GRM7: variants seen among roughly 807,000 people sequenced by gnomAD.
GRM7 encodes the protein glutamate metabotropic receptor 7.
Under a neutral mutation model 84.5 loss-of-function variants are expected in GRM7, and 35 were observed. That is an observed-to-expected ratio of 0.41 (90% CI 0.32 to 0.55). GRM7 has a LOEUF of 0.55. Among genes scored for constraint, GRM7 ranks in the 20% least tolerant of loss-of-function variants. The probability of loss-of-function intolerance (pLI) is 0.19; values close to 1 mark genes in which losing one functional copy is unlikely to be tolerated. For synonymous variants in GRM7, 487 were observed against 455.1 expected, an observed-to-expected ratio of 1.07 and a Z score of -0.89; for missense variants, 1,003 against 1,194.6, an observed-to-expected ratio of 0.84 and a Z score of 2.36.
chr3:7,594,297 G>C (rs888941173), intron 8 of GRM7, among the ~76,000 whole-genome samples: 2 of 152,044 alleles, frequency 1.3e-5, no homozygotes, highest in South Asian at 4.1e-4. Flanking sequence ...CCAAAATGTA[G>C]GTCCATGCAG....
At chr3:7,557,150 A>T (rs1693804541) in intron 7 of GRM7, among the ~76,000 whole-genome samples, 1 of 151,990 alleles carries the variant, frequency 6.6e-6, no homozygotes, top group African/African-American at 2.4e-5. Flanking sequence ...ATCAGAATGG[A>T]GGGTCTTCCA....
chr3:7,050,350 G>A (rs1275803470), intron 1 of GRM7, among the ~76,000 whole-genome samples: 1 of 151,814 alleles, frequency 6.6e-6, no homozygotes. Context: ...CACCCTATAA[G>A]AATCTCATTT....
chr3:7,160,448 A>G (rs1694588810), intron 2 of GRM7, among the ~76,000 whole-genome samples: 2 of 152,176 alleles, frequency 1.3e-5, no homozygotes, highest in African/African-American at 4.8e-5. Flanking sequence ...TCAGAATGCC[A>G]GGAGAGTGCA....
intron 4 of GRM7, among the ~76,000 whole-genome samples, chr3:7,316,129 C>G (rs913022545): frequency 6.6e-6 from 1 of 152,056 alleles, no homozygotes; most frequent in African/African-American, 2.4e-5. Flanking sequence ...AAGGAGCACA[C>G]TGGGCATGGG....
At chr3:7,023,756 C>A (rs1289176874) in intron 1 of GRM7, among the ~76,000 whole-genome samples, 3 of 152,154 alleles carry the variant, frequency 2.0e-5, no homozygotes, top group Non-Finnish European at 4.4e-5. Flanking sequence ...AAAGACCCAT[C>A]TTAATTACCT....
At chr3:7,448,844 A>G (rs1024741167) in intron 5 of GRM7, among the ~76,000 whole-genome samples, 1 of 152,148 alleles carries the variant, frequency 6.6e-6, no homozygotes, top group Non-Finnish European at 1.5e-5. Context: ...CATTCTCTCC[A>G]GGATGATTGT....
At chr3:7,385,800 C>A (rs988072446) in intron 4 of GRM7, among the ~76,000 whole-genome samples, 1 of 152,106 alleles carries the variant, frequency 6.6e-6, no homozygotes, top group Non-Finnish European at 1.5e-5. Flanking sequence ...TGGCAGAAGC[C>A]AAATATTAAC....
chr3:6,974,733 G>T (rs986865382), intron 1 of GRM7, among the ~76,000 whole-genome samples: 2 of 152,184 alleles, frequency 1.3e-5, no homozygotes, highest in Non-Finnish European at 1.5e-5. Context: ...AAGTTATTTT[G>T]TGAACATAAC....
intron 4 of GRM7, among the ~76,000 whole-genome samples, chr3:7,403,658 C>A (rs1409032246): frequency 8.9e-6 from 1 of 112,642 alleles, no homozygotes; most frequent in African/African-American, 3.0e-5. Context: ...TATGTACATA[C>A]ACACACATTT....
Position 7,260,369 on chromosome 3 carries a change from G to A in GRM7, c.737-38315G>A, listed in dbSNP as rs1698374606. ...TCATGAAATCTTTGTCAGTTCCTAT[G>A]TCCAGAACGGTATTGCCTAGGTTGC... On this transcript the variant is annotated intron_variant, in intron 2 of 9. Transcript: ENST00000357716. 2.0e-5 allele frequency among the ~76,000 whole-genome samples: 3 copies of A among 152,114 alleles called. No individual in the cohort carries two copies. In the South Asian group the frequency reaches 6.2e-4, roughly 32 times the overall value.
At chr3:7,603,629 T>G (rs1256095971) in intron 8 of GRM7, among the ~76,000 whole-genome samples, 1 of 152,152 alleles carries the variant, frequency 6.6e-6, no homozygotes, top group Non-Finnish European at 1.5e-5. Flanking sequence ...ATGTACTTAT[T>G]TTTTCCATCA....
At chr3:7,208,393 T>C (rs1396599208) in intron 2 of GRM7, among the ~76,000 whole-genome samples, 2 of 152,160 alleles carry the variant, frequency 1.3e-5, no homozygotes, top group Non-Finnish European at 2.9e-5. Flanking sequence ...TTTGGTAATG[T>C]TGCTGTTCTC....
Position 7,657,668 on chromosome 3 carries a change from A to C in GRM7, c.2452-22381A>C, listed in dbSNP as rs1455091261. ...GAATGTGGAAGGGTTGAGCTCTCAG[A>C]ACGAATCACACGTTTTTGGAGAGCC... On this transcript the variant is annotated intron_variant, in intron 8 of 9. Coordinates refer to ENST00000357716, the MANE Select transcript of GRM7 (RefSeq NM_000844.4). Among the ~76,000 whole-genome samples, 4 of 152,302 alleles carry C rather than the reference A, an allele frequency of 2.6e-5. No homozygotes were observed. The South Asian group carries it at 8.3e-4, about 32-fold the overall frequency.
intron 1 of GRM7, among the ~76,000 whole-genome samples, chr3:7,122,489 T>A (rs1693259525): frequency 6.6e-6 from 1 of 152,186 alleles, no homozygotes; most frequent in South Asian, 2.1e-4. Context: ...TAAAAATTAA[T>A]TAAAATATTT....
At chr3:7,002,195 AG>A (rs1413938680) in intron 1 of GRM7, among the ~76,000 whole-genome samples, 1 of 152,188 alleles carries the variant, frequency 6.6e-6, no homozygotes, top group African/African-American at 2.4e-5. Context: ...GTATTATCTA[AG>A]GGTATAGTGG....
intron 2 of GRM7, among the ~76,000 whole-genome samples, chr3:7,179,866 G>A (rs1312573896): frequency 1.3e-5 from 2 of 152,110 alleles, no homozygotes; most frequent in Admixed American, 6.6e-5. Flanking sequence ...ATTTACCTTG[G>A]CTTTTAAAAT....
At chr3:7,560,279 C>T (rs1477111664) in intron 7 of GRM7, 1 of 152,006 alleles carries the variant, frequency 6.6e-6, no homozygotes, top group East Asian at 1.9e-4. Context: ...TGCAATCAAG[C>T]TACCTTTCTT....
chr3:7,533,500 G>A (rs1701122240), intron 7 of GRM7, among the ~76,000 whole-genome samples: 1 of 152,194 alleles, frequency 6.6e-6, no homozygotes, highest in Admixed American at 6.5e-5. Context: ...CTAAACCAGT[G>A]TTTAGAGGAT....
chr3:7,219,049 T>C (rs1696708564), intron 2 of GRM7, among the ~76,000 whole-genome samples: 1 of 152,164 alleles, frequency 6.6e-6, no homozygotes. Context: ...AATTATGTTT[T>C]ATTTTGATCA....
Sources: allele counts gnomAD v4.1 joint callset (sites outside exome capture counted in the v4.1 genomes callset), GRCh38; gene constraint gnomAD v4.1.1; transcripts MANE v1.5; gene names NCBI Gene and HGNC (gene_info 2026-07-23, HGNC 2026-07-21).